Variants in CD47 observed in about 807,000 individuals in gnomAD.
CD47 encodes CD47 molecule.
In CD47, 11 loss-of-function variants were observed where a neutral mutation model predicts 44.6. The observed-to-expected ratio is 0.25, with a 90% CI of 0.16 to 0.41. The LOEUF (loss-of-function observed/expected upper bound fraction) is 0.41, where lower values mean the gene tolerates loss of function less well. Ranked by LOEUF, CD47 falls within the 10% of genes least tolerant of loss-of-function variation. CD47 has a pLI of 1.00. For synonymous variants in CD47, 140 were observed against 136.3 expected (o/e 1.03, Z -0.19); for missense variants, 306 against 386.7 (o/e 0.79, Z 1.75).
rs1156332992 is a variant in CD47 at position 108,080,242 on chromosome 3, T to C, written c.149A>G (p.Asn50Ser). The C allele has an allele frequency of 6.2e-7, 1 of 1,611,736 alleles. No homozygotes were observed. The highest frequency in any genetic ancestry group is 1.7e-5 in the Admixed American group (1 of 59,940). The change falls in exon 2 of 11, where the codon AAC (asparagine) becomes AGC (serine). Residue 50 changes from asparagine to serine, a missense_variant. Around this residue, in one of 5 missense-constraint regions of CD47, gnomAD observed 25 missense variants for 52.7 expected, o/e 0.47. Coordinates refer to ENST00000361309, the MANE Select transcript of CD47 (RefSeq NM_001777.4). ...PCFVTNMEAQ[N>S]TTEVYVKWKF... ...CCACTTTACGTATACTTCAGTAGTG[T>C]TTTGTGCCTCCATATTAGTAACAAA...
chr3:108,075,135 T>G (rs2079286209), intron 2 of CD47, among the ~76,000 whole-genome samples: 1 of 152,164 alleles, frequency 6.6e-6, no homozygotes, highest in Non-Finnish European at 1.5e-5. Context: ...GCCAAGGACA[T>G]TCACATCCTT....
chr3:108,050,660 T>C, intron 8 of CD47, 58 bp from the exon 9 acceptor site: 3 of 625,176 alleles, frequency 4.8e-6, no homozygotes, highest in Admixed American at 3.1e-5. Context: ...TGTCATTTTA[T>C]AGTAAAACTT....
At chr3:108,079,466 G>C (rs1190248333) in intron 2 of CD47, among the ~76,000 whole-genome samples, 3 of 142,624 alleles carry the variant, frequency 2.1e-5, no homozygotes, top group Non-Finnish European at 3.0e-5. Context: ...AAAATCTGAA[G>C]AAATCATCCA....
intron 10 of CD47, among the ~76,000 whole-genome samples, chr3:108,048,756 TGCACTTTGCTACAGAAGAGG>T (rs914123982): frequency 6.6e-6 from 1 of 152,216 alleles, no homozygotes; most frequent in African/African-American, 2.4e-5. Flanking sequence ...AGTTAAATGC[TGCACTTTGCTACAGAAGAGG>T]GCAGGTAAGG....
At chr3:108,054,506 G>A (rs949236801) in intron 7 of CD47, 2 of 152,076 alleles carry the variant, frequency 1.3e-5, no homozygotes, top group Non-Finnish European at 2.9e-5. Flanking sequence ...GAATTATTAC[G>A]ATTTCTGCTG....
At chr3:108,060,982 TATC>T (rs1465228045) in intron 3 of CD47, 130 bp from the exon 4 acceptor site, 3 of 612,226 alleles carry the variant, frequency 4.9e-6, no homozygotes, top group Non-Finnish European at 5.8e-6. Flanking sequence ...AACTCCTTAA[TATC>T]ATCAAGTCAC....
At chr3:108,071,434 C>T (rs985080540) in intron 2 of CD47, among the ~76,000 whole-genome samples, 11 of 152,200 alleles carry the variant, frequency 7.2e-5, no homozygotes, top group South Asian at 4.1e-4. Context: ...TTATGTTTCA[C>T]GGGAGGAGGT....
chr3:108,053,154 C>G (rs751805814), intron 7 of CD47: 1 of 152,334 alleles, frequency 6.6e-6, no homozygotes, highest in Non-Finnish European at 1.5e-5. Context: ...GATGGAGGCA[C>G]GCCTCCAGGA....
intron 3 of CD47, among the ~76,000 whole-genome samples, chr3:108,065,914 T>G (rs2079099548): frequency 6.6e-6 from 1 of 151,892 alleles, no homozygotes; most frequent in Non-Finnish European, 1.5e-5. Context: ...GAATGATTCT[T>G]TGTGATAATA....
At chr3:108,051,651 C>T (rs2078830598) in intron 8 of CD47, 1 of 547,848 alleles carries the variant, frequency 1.8e-6, no homozygotes, top group Admixed American at 2.0e-5. Context: ...AATCAGCTTC[C>T]TTCTGATTGC....
At chr3:108,074,589 C>T (rs1165915009) in intron 2 of CD47, among the ~76,000 whole-genome samples, 2 of 151,904 alleles carry the variant, frequency 1.3e-5, no homozygotes, top group African/African-American at 2.4e-5. Context: ...GCTGGTATTA[C>T]AGGCGTGGGC....
rs2078711820 is a variant in CD47 at position 108,045,731 on chromosome 3, C to T, written c.*1557G>A. 1 of 152,444 alleles carries T rather than the reference C, an allele frequency of 6.6e-6. No individual in the cohort carries two copies. The highest frequency in any genetic ancestry group is 1.5e-5 in the Non-Finnish European group (1 of 67,988). The allele number at this position is 152,444 out of a possible 1,614,324, so 9.4% of individuals were successfully genotyped here. On this transcript the variant is annotated 3_prime_UTR_variant, in exon 11 of 11. Coordinates refer to ENST00000361309, the MANE Select transcript of CD47 (RefSeq NM_001777.4). ...GAACATCTGATGGACTAAGAAATAA[C>T]TATTATTAATGCAACTACAAATATG...
intron 3 of CD47, among the ~76,000 whole-genome samples, chr3:108,061,160 G>A (rs1458371801): frequency 6.7e-6 from 1 of 150,352 alleles, no homozygotes; most frequent in Admixed American, 6.7e-5. Flanking sequence ...AAGTTTTTGG[G>A]GGGAGGGGGG....
chr3:108,063,607 C>T (rs2079056849), intron 3 of CD47, among the ~76,000 whole-genome samples: 1 of 152,060 alleles, frequency 6.6e-6, no homozygotes, highest in Admixed American at 6.6e-5. Context: ...TGGATTTATC[C>T]TTATTTATTG....
At chr3:108,055,244 ACTT>A (rs932099087) in intron 7 of CD47, among the ~76,000 whole-genome samples, 1 of 152,214 alleles carries the variant, frequency 6.6e-6, no homozygotes, top group Non-Finnish European at 1.5e-5. Context: ...AGCGACATTA[ACTT>A]CTTCTTGAAG....
intron 10 of CD47, among the ~76,000 whole-genome samples, chr3:108,047,914 T>C (rs985514106): frequency 6.6e-6 from 1 of 152,184 alleles, no homozygotes; most frequent in Non-Finnish European, 1.5e-5. Flanking sequence ...TGCAGTAGTT[T>C]AAAAAAGTCA....
At position 108,046,038 on chromosome 3, in the gene CD47, T is replaced by TA. The variant is rs2078717811; in HGVS notation, c.*1249dup. The TA allele has an allele frequency of 1.3e-5, 2 of 152,108 alleles. No homozygotes were observed. The highest frequency in any genetic ancestry group is 2.9e-5 in the Non-Finnish European group (2 of 68,022). 9.4% of individuals were successfully genotyped at this position (152,108 alleles called of 1,614,324 possible). A position where few individuals can be genotyped will look rare whatever the true frequency, so the allele number is the denominator to read the frequency against. ...ATACAAACACACATCCACAAACAGG[T>TA]AAAAAACGAATGCTAAAAGTCTAAA... On this transcript the variant is annotated 3_prime_UTR_variant, in exon 11 of 11. Coordinates refer to ENST00000361309, the MANE Select transcript of CD47 (RefSeq NM_001777.4).
In CD47 at chr3:108,051,106, T is replaced by C. The variant is rs1201867116; in HGVS notation, c.910-504A>G. On this transcript the variant is annotated intron_variant, in intron 8 of 10. Transcript: ENST00000361309. ...AATATACCCCTGTGGTAGACACACA[T>C]ACCCGCCCCACCTGCCCTTTAGGCA... 2.0e-5 allele frequency among the ~76,000 whole-genome samples: 3 copies of C among 152,206 alleles called. No homozygotes were observed. In the East Asian group the frequency reaches 5.8e-4, roughly 29 times the overall value.
intron 2 of CD47, among the ~76,000 whole-genome samples, chr3:108,076,057 C>A (rs1392797082): frequency 6.6e-6 from 1 of 152,168 alleles, no homozygotes; most frequent in Non-Finnish European, 1.5e-5. Flanking sequence ...TAGAACAAGA[C>A]CCCAAACTCC....
Sources: gnomAD v4.1 joint callset for allele counts (sites outside exome capture counted in the v4.1 genomes callset) on GRCh38, gnomAD v4.1.1 for gene constraint, gnomAD v4.1.1 regional missense constraint, MANE v1.5 for transcripts, NCBI Gene and HGNC (gene_info 2026-07-23, HGNC 2026-07-21) for gene names.